Variants in ARHGAP18 observed in about 807,000 individuals in gnomAD.
ARHGAP18 encodes rho GTPase-activating protein 18.
ARHGAP18 carries 67 observed loss-of-function variants against 86.2 expected under a neutral mutation model. The observed-to-expected ratio is 0.78, with a 90% CI of 0.64 to 0.95. The LOEUF (loss-of-function observed/expected upper bound fraction) is 0.95, where lower values mean the gene tolerates loss of function less well. Among genes scored for constraint, ARHGAP18 ranks in the 40% least tolerant of loss-of-function variants. The pLI is 0.00. For missense variants in ARHGAP18, 691 were observed against 780.4 expected, an observed-to-expected ratio of 0.89 and a Z score of 1.37; for synonymous variants, 283 against 280.4, an observed-to-expected ratio of 1.01 and a Z score of -0.09.
At chr6:129,696,319 A>AGG (rs1774615936) in intron 1 of ARHGAP18, among the ~76,000 whole-genome samples, 1 of 152,230 alleles carries the variant, frequency 6.6e-6, no homozygotes, top group Non-Finnish European at 1.5e-5. Context: ...AATAATAGCT[A>AGG]ACTAACATTT....
chr6:129,699,805 T>C (rs1894641), intron 1 of ARHGAP18, among the ~76,000 whole-genome samples: 124,108 of 152,116 alleles, frequency 0.82, 50,740 homozygotes, highest in South Asian at 0.87. Flanking sequence ...GCAGCCTGCT[T>C]TTATGAGCCT....
intron 12 of ARHGAP18, among the ~76,000 whole-genome samples, chr6:129,595,146 T>G (rs1788589797): frequency 6.6e-6 from 1 of 151,938 alleles, no homozygotes; most frequent in Non-Finnish European, 1.5e-5. Flanking sequence ...TACGAGACAA[T>G]ATTTGTAAAA....
In ARHGAP18 at chr6:129,600,683, T is replaced by C. The variant is rs754447237; in HGVS notation, c.1531A>G (p.Thr511Ala). 1.2e-6 allele frequency: 2 copies of C among 1,613,718 alleles called. No individual in the cohort carries two copies. Among genetic ancestry groups the C allele is most frequent in the Non-Finnish European group, 1.7e-6 (2 of 1,179,782 alleles). ...TGGTACTTAATCAATAAGTGCATGG[T>C]ATTTGCTGTCCCAGCTGCCATTACA... ...EFVMAAGTAN[T>A]MHLLIKYQKL... The change falls in exon 11 of 15, where the codon ACC becomes GCC. Residue 511 changes from threonine to alanine, a missense_variant. Physicochemically the swap from Thr to Ala is moderately conservative, Grantham distance 58. Coordinates refer to ENST00000368149, the MANE Select transcript of ARHGAP18 (RefSeq NM_033515.3).
Position 129,629,474 on chromosome 6 carries a change from T to TC in ARHGAP18, c.664dup (p.Glu222GlyfsTer6). 1 of 1,613,860 alleles carries TC rather than the reference T, an allele frequency of 6.2e-7. No homozygotes were observed. The highest frequency in any genetic ancestry group is 8.5e-7 in the Non-Finnish European group (1 of 1,179,908). On this transcript the variant is annotated frameshift_variant, in exon 5 of 15. Transcript: ENST00000368149. LOFTEE classifies it high-confidence loss of function. Reference sequence around the variant, plus strand: ...GATGTCTGTTTCAGGGGCAGGCGTCTCCTCAGGTGGGATCAGCTTCTCTTC... The same window carrying TC: ...GATGTCTGTTTCAGGGGCAGGCGTCTCCCTCAGGTGGGATCAGCTTCTCTTC...
At chr6:129,705,057 C>T (rs2114559447) in intron 1 of ARHGAP18, among the ~76,000 whole-genome samples, 1 of 152,312 alleles carries the variant, frequency 6.6e-6, no homozygotes, top group African/African-American at 2.4e-5. Context: ...TATTTTGGGG[C>T]TCACCTGTCA....
At chr6:129,586,604 A>C (rs973254166) in intron 12 of ARHGAP18, among the ~76,000 whole-genome samples, 1 of 152,290 alleles carries the variant, frequency 6.6e-6, no homozygotes, top group South Asian at 2.1e-4. Flanking sequence ...CCCTAGAAGA[A>C]GGCAGCCAAA....
chr6:129,658,255 T>G (rs1277562135), intron 1 of ARHGAP18, among the ~76,000 whole-genome samples: 1 of 152,216 alleles, frequency 6.6e-6, no homozygotes, highest in Non-Finnish European at 1.5e-5. Flanking sequence ...ACCTGCCACT[T>G]TGCCTTGGAA....
At chr6:129,678,860 T>C (rs774096564) in intron 1 of ARHGAP18, among the ~76,000 whole-genome samples, 1 of 152,236 alleles carries the variant, frequency 6.6e-6, no homozygotes, top group Admixed American at 6.5e-5. Flanking sequence ...ATTAACCATC[T>C]TGCTCATGTG....
At chr6:129,622,045 G>A (rs1789240194) in intron 5 of ARHGAP18, among the ~76,000 whole-genome samples, 2 of 152,160 alleles carry the variant, frequency 1.3e-5, no homozygotes, top group Non-Finnish European at 1.5e-5. Flanking sequence ...AAGGAGAGGA[G>A]CCACTTCTTA....
At chr6:129,660,846 A>T (rs1297668046) in intron 1 of ARHGAP18, among the ~76,000 whole-genome samples, 1 of 152,162 alleles carries the variant, frequency 6.6e-6, no homozygotes, top group Non-Finnish European at 1.5e-5. Context: ...AAAGAGCTCA[A>T]CGAAAACAAA....
Position 129,677,285 on chromosome 6 carries a change from G to T in ARHGAP18, c.113+32739C>A, listed in dbSNP as rs183279612. On this transcript the variant is annotated intron_variant, in intron 1 of 14. Coordinates refer to ENST00000368149, the MANE Select transcript of ARHGAP18 (RefSeq NM_033515.3). ...GCGGACGCCTGTAGTCTCAGCTACT[G>T]AAGAGGCTGAGGCAGGAGAATGGCG... Among the ~76,000 whole-genome samples, 184 of 152,106 alleles carry T rather than the reference G, an allele frequency of 1.2e-3. 1 individual carries two copies. Among genetic ancestry groups the T allele is most frequent in the Non-Finnish European group, 1.8e-4 (12 of 67,974 alleles).
At chr6:129,700,228 C>T (rs891497792) in intron 1 of ARHGAP18, among the ~76,000 whole-genome samples, 1 of 152,172 alleles carries the variant, frequency 6.6e-6, no homozygotes, top group African/African-American at 2.4e-5. Context: ...TACATTGGTA[C>T]TTTTACCTGC....
intron 5 of ARHGAP18, 58 bp downstream of exon 5, chr6:129,629,295 G>T: frequency 1.5e-6 from 2 of 1,377,292 alleles, no homozygotes; most frequent in Non-Finnish European, 2.0e-6. Flanking sequence ...GTATATGTGT[G>T]TGTGTATATA....
At chr6:129,704,612 A>G (rs1328182608) in intron 1 of ARHGAP18, among the ~76,000 whole-genome samples, 1 of 152,120 alleles carries the variant, frequency 6.6e-6, no homozygotes, top group Admixed American at 6.6e-5. Flanking sequence ...TCATTTGTCC[A>G]TCTCCTACAG....
At chr6:129,642,286 T>C (rs1773485117) in intron 1 of ARHGAP18, among the ~76,000 whole-genome samples, 2 of 152,196 alleles carry the variant, frequency 1.3e-5, no homozygotes, top group African/African-American at 4.8e-5. Flanking sequence ...AGACTCATTT[T>C]TCAAATATAT....
intron 13 of ARHGAP18, among the ~76,000 whole-genome samples, chr6:129,580,457 T>C (rs920508261): frequency 3.4e-4 from 52 of 152,362 alleles, no homozygotes; most frequent in African/African-American, 1.2e-3. Context: ...CCACTTTGTA[T>C]ACAAGCCAAA....
intron 1 of ARHGAP18, among the ~76,000 whole-genome samples, chr6:129,688,919 A>C (rs1177140840): frequency 6.6e-6 from 1 of 152,212 alleles, no homozygotes; most frequent in African/African-American, 2.4e-5. Flanking sequence ...AGAGCACTGC[A>C]TCTAACTATT....
At chr6:129,629,845 A>T (rs1773159992) in intron 4 of ARHGAP18, among the ~76,000 whole-genome samples, 1 of 152,196 alleles carries the variant, frequency 6.6e-6, no homozygotes, top group Non-Finnish European at 1.5e-5. Flanking sequence ...GTTTTGAAGT[A>T]TTAATTGTTG....
intron 12 of ARHGAP18, among the ~76,000 whole-genome samples, chr6:129,595,926 C>A (rs896219577): frequency 2.6e-5 from 4 of 152,124 alleles, no homozygotes; most frequent in African/African-American, 9.7e-5. Context: ...ATCAGGAAAT[C>A]TCAATGGCTC....
Sources: allele counts gnomAD v4.1 joint callset (sites outside exome capture counted in the v4.1 genomes callset), GRCh38; gene constraint gnomAD v4.1.1; transcripts MANE v1.5; gene names NCBI Gene and HGNC (gene_info 2026-07-23, HGNC 2026-07-21).